The following TIAL1 variants were observed in gnomAD, a reference collection of about 807,000 sequenced individuals.
The protein encoded by TIAL1 is nucleolysin TIAR.
TIAL1 carries 7 observed loss-of-function variants against 59.7 expected under a neutral mutation model. The ratio of observed to expected loss-of-function variants is 0.12; its 90% CI spans 0.07 to 0.22. The LOEUF (loss-of-function observed/expected upper bound fraction) is 0.22. Ranked by LOEUF, TIAL1 falls within the 10% of genes least tolerant of loss-of-function variation. The pLI is 1.00. For synonymous variants in TIAL1, 149 were observed against 146.3 expected (o/e 1.02, Z -0.13); for missense variants, 225 against 462.5 (o/e 0.49, Z 4.71).
At chr10:119,587,752 C>A (rs11816089) in intron 2 of TIAL1, among the ~76,000 whole-genome samples, 1 of 152,090 alleles carries the variant, frequency 6.6e-6, no homozygotes, top group Non-Finnish European at 1.5e-5. Context: ...TTGCTACAGA[C>A]ACACGAGACG....
At position 119,574,594 on chromosome 10, in the gene TIAL1, A is replaced by AAC. The variant is rs1844875213; in HGVS notation, c.*1070_*1071insGT. On this transcript the variant is annotated 3_prime_UTR_variant, in exon 12 of 12. Transcript: ENST00000436547. The stretch of plus-strand genomic sequence containing the variant: ...TACCAAGTAATGTAAAGCAAAAAAA[A>AAC]AAAAAAAAAAAAACAAAAACAAAAA... 6.6e-6 allele frequency: 1 copy of AAC among 150,386 alleles called. No homozygotes were observed. The highest frequency in any genetic ancestry group is 2.5e-5 in the African/African-American group (1 of 40,622). 9.3% of individuals were successfully genotyped at this position (150,386 alleles called of 1,614,324 possible). A position where few individuals can be genotyped will look rare whatever the true frequency, so the allele number is the denominator to read the frequency against.
chr10:119,574,749 T>C lies in TIAL1; in HGVS notation c.*916A>G, dbSNP rs1270406788. The stretch of plus-strand genomic sequence containing the variant: ...GTAGCCAACCTTGGAAATGTCAGTC[T>C]TAACATTCTGATCAATCCACTGCAT... On this transcript the variant is annotated 3_prime_UTR_variant, in exon 12 of 12. Transcript: ENST00000436547. 1 of 152,640 alleles carries C rather than the reference T, an allele frequency of 6.6e-6. No homozygotes were observed. The highest frequency in any genetic ancestry group is 1.5e-5 in the Non-Finnish European group (1 of 68,034). The allele number at this position is 152,640 out of a possible 1,614,324, so 9.5% of individuals were successfully genotyped here.
At position 119,575,781 on chromosome 10, in the gene TIAL1, A is replaced by C. The variant is rs1451951128; in HGVS notation, c.1012T>G (p.Ser338Ala). 6.5e-7 allele frequency: 1 copy of C among 1,550,008 alleles called. No individual in the cohort carries two copies. ...CCAAATCCACCCATCCAAGCAGCAG[A>C]AGGTGATTGACTTGGAAGAAAAAGA... ...QQGFGVDQSPSAAWMGGFGAQ... is the reference protein window; with the variant it reads ...QQGFGVDQSPAAAWMGGFGAQ... Residue 338 changes from serine (S) to alanine (A), a missense_variant, in exon 12 of 12, where the codon TCT becomes GCT. This residue lies in a region of TIAL1 where 68 missense variants were observed against 71.3 expected (regional missense o/e 0.95). Coordinates refer to ENST00000436547, the MANE Select transcript of TIAL1 (RefSeq NM_003252.4).
At chr10:119,587,266 C>G (rs1295574297) in intron 2 of TIAL1, among the ~76,000 whole-genome samples, 1 of 152,136 alleles carries the variant, frequency 6.6e-6, no homozygotes, top group East Asian at 1.9e-4. Context: ...CTATTTTTCC[C>G]TCTCTGTCTC....
At chr10:119,596,396 C>T (rs1001756848) in intron 1 of TIAL1, 38 bp downstream of exon 1, 15 of 1,610,138 alleles carry the variant, frequency 9.3e-6, no homozygotes, top group Non-Finnish European at 1.2e-5. Context: ...GGTGCCCGGG[C>T]CTCTTGGCGC....
In TIAL1 at chr10:119,596,511, T is replaced by TGGGGA; in HGVS notation, c.-51_-47dup. Reference sequence around the variant, plus strand: ...CCCGGGACAAGGGGGAGGGCAGGGTTGGGGAGGGGAGGGGGTGGGGAGGAA... The same window carrying TGGGGA: ...CCCGGGACAAGGGGGAGGGCAGGGTTGGGGAGGGGAGGGGAGGGGGTGGGGAGGAA... On this transcript the variant is annotated 5_prime_UTR_variant, in exon 1 of 12. Transcript: ENST00000436547. 2 of 52,360 alleles carry TGGGGA rather than the reference T, an allele frequency of 3.8e-5. No homozygotes were observed. The highest frequency in any genetic ancestry group is 8.1e-5 in the Non-Finnish European group (2 of 24,706). 3.2% of individuals were successfully genotyped at this position (52,360 alleles called of 1,614,324 possible). A position where few individuals can be genotyped will look rare whatever the true frequency, so the allele number is the denominator to read the frequency against.
chr10:119,594,146 T>A (rs779650132), intron 1 of TIAL1, among the ~76,000 whole-genome samples: 59 of 151,168 alleles, frequency 3.9e-4, no homozygotes, highest in Non-Finnish European at 8.1e-4. Flanking sequence ...CGTACTGACA[T>A]ACAAAACAAC....
At chr10:119,593,744 A>C (rs933828317) in intron 1 of TIAL1, among the ~76,000 whole-genome samples, 4 of 152,220 alleles carry the variant, frequency 2.6e-5, no homozygotes, top group African/African-American at 9.6e-5. Flanking sequence ...GAACCCTTTG[A>C]GAATATGTAA....
At chr10:119,592,730 A>G (rs1263987433) in intron 1 of TIAL1, among the ~76,000 whole-genome samples, 1 of 151,944 alleles carries the variant, frequency 6.6e-6, no homozygotes, top group Non-Finnish European at 1.5e-5. Context: ...AGGAGGTACA[A>G]CTAAATTGAC....
At chr10:119,585,122 CAAAAAA>C (rs34500092) in intron 2 of TIAL1, among the ~76,000 whole-genome samples, 1 of 46,522 alleles carries the variant, frequency 2.1e-5, no homozygotes. Flanking sequence ...GATTCCATCT[CAAAAAA>C]AAAAAAAAAA....
chr10:119,581,016 A>G (rs538916304), intron 5 of TIAL1, among the ~76,000 whole-genome samples: 33 of 152,094 alleles, frequency 2.2e-4, no homozygotes, highest in Non-Finnish European at 4.3e-4. Context: ...AGCAAATATC[A>G]AAACAGAAAG....
intron 2 of TIAL1, among the ~76,000 whole-genome samples, chr10:119,587,169 C>T (rs1845608361): frequency 6.6e-6 from 1 of 152,184 alleles, no homozygotes; most frequent in Non-Finnish European, 1.5e-5. Flanking sequence ...ATAAAACAAA[C>T]TCTTTAGCAC....
chr10:119,582,063 T>C lies in TIAL1; in HGVS notation c.284-54A>G. 6.2e-7 allele frequency: 1 copy of C among 1,604,824 alleles called. No homozygotes were observed. The highest frequency in any genetic ancestry group is 1.1e-5 in the South Asian group (1 of 90,700). ...ACTTAAGAAGTCAGCCACTAAAACC[T>C]TTTTAAGGCAACTCTAGAGGAGGAA... On this transcript the variant is annotated intron_variant, in intron 4 of 11. Transcript: ENST00000436547. This position sits in a 1 kb window ranked among gnomAD's most constrained non-coding sequence, Gnocchi z 5.1.
chr10:119,580,874 T>C, intron 5 of TIAL1: 1 of 1,210,226 alleles, frequency 8.3e-7, no homozygotes, highest in South Asian at 1.5e-5. Context: ...TGCTATTACT[T>C]TTAATTGTGA....
At chr10:119,579,651 C>T (rs1162476364) in intron 6 of TIAL1, among the ~76,000 whole-genome samples, 2 of 152,146 alleles carry the variant, frequency 1.3e-5, no homozygotes, top group Non-Finnish European at 2.9e-5. Flanking sequence ...GCTCATCTGT[C>T]CTAGACTTGG....
chr10:119,580,291 T>C, intron 5 of TIAL1: 1 of 352,262 alleles, frequency 2.8e-6, no homozygotes, highest in Non-Finnish European at 4.9e-6. Flanking sequence ...AGTTTCCCTT[T>C]CTAATATTCT....
At chr10:119,576,806 G>T (rs1007948505) in intron 10 of TIAL1, 56 bp from the exon 11 acceptor site, 4 of 1,592,860 alleles carry the variant, frequency 2.5e-6, no homozygotes, top group Non-Finnish European at 2.6e-6. Flanking sequence ...CGTATATGAA[G>T]AAAGAGTGGG....
At chr10:119,588,326 CTTTT>C (rs1845672878) in intron 1 of TIAL1, 78 bp from the exon 2 acceptor site, 28 of 745,676 alleles carry the variant, frequency 3.8e-5, no homozygotes, top group Non-Finnish European at 4.8e-5. Flanking sequence ...AATTCATCAC[CTTTT>C]CTTTCTTTCT....
rs767447518 is a variant in TIAL1, at chr10:119,582,581, A to C, written c.130-24T>G. On this transcript the variant is annotated intron_variant, in intron 2 of 11. Coordinates refer to ENST00000436547, the MANE Select transcript of TIAL1 (RefSeq NM_003252.4). The surrounding 1 kb of genome is among the most constrained non-coding windows in gnomAD (Gnocchi z 5.1). ...TGCTGCAAAACAGAAAATCCAACAGAAGAGTTGACCCTTCTGCTATCGGGT... is the reference window on the plus strand; with the variant it reads ...TGCTGCAAAACAGAAAATCCAACAGCAGAGTTGACCCTTCTGCTATCGGGT... 2.5e-6 allele frequency: 4 copies of C among 1,607,082 alleles called. No homozygotes were observed. The highest frequency in any genetic ancestry group is 1.1e-5 in the South Asian group (1 of 89,798).
Sources: allele counts gnomAD v4.1 joint callset (sites outside exome capture counted in the v4.1 genomes callset), GRCh38; gene constraint gnomAD v4.1.1; regional missense constraint gnomAD v4.1.1; non-coding constraint Gnocchi (gnomAD v3.1); transcripts MANE v1.5; gene names NCBI Gene and HGNC (gene_info 2026-07-23, HGNC 2026-07-21).